The following CNTNAP2 variants were observed in gnomAD, a reference collection of about 807,000 sequenced individuals.
CNTNAP2 encodes contactin associated protein 2.
Under a neutral mutation model 155.2 loss-of-function variants are expected in CNTNAP2, and 98 were observed. The ratio of observed to expected loss-of-function variants is 0.63; its 90% confidence interval spans 0.54 to 0.75. The LOEUF (loss-of-function observed/expected upper bound fraction) is 0.75, where lower values mean the gene tolerates loss of function less well. Among genes scored for constraint, CNTNAP2 ranks in the 30% least tolerant of loss-of-function variants. The pLI is 0.00. For synonymous variants in CNTNAP2, 651 were observed against 631.2 expected, an observed-to-expected ratio of 1.03 and a Z score of -0.47; for missense variants, 1,727 against 1,688.1, an observed-to-expected ratio of 1.02 and a Z score of -0.40.
chr7:147,801,029 C>T (rs1797974235), intron 13 of CNTNAP2, among the ~76,000 whole-genome samples: 1 of 152,176 alleles, frequency 6.6e-6, no homozygotes, highest in Admixed American at 6.5e-5. Flanking sequence ...ACTAACAACA[C>T]ATATCTCAGA....
intron 1 of CNTNAP2, among the ~76,000 whole-genome samples, chr7:146,308,658 A>T (rs1461703440): frequency 6.6e-6 from 1 of 152,176 alleles, no homozygotes; most frequent in Non-Finnish European, 1.5e-5. Context: ...GTAAAAAATG[A>T]TGAGTTCATG....
rs1585354065 is a variant in CNTNAP2, at chr7:148,409,324, A to C, written c.3716-67A>C. ...GTGTTGAAGAGTTGCATGAAGAAAT[A>C]GGTATCAAATTATTTGGGATCAATA... is the stretch of plus-strand genomic sequence containing the variant. On this transcript the variant is annotated intron_variant, in intron 22 of 23. Transcript: ENST00000361727. 6.7e-6 allele frequency: 8 copies of C among 1,202,410 alleles called. No homozygotes were observed. In the East Asian group the frequency reaches 1.6e-4, roughly 24 times the overall value. The allele number at this position is 1,202,410 out of a possible 1,614,324, so 74.5% of individuals were successfully genotyped here. A position where few individuals can be genotyped will look rare whatever the true frequency, so the allele number is the denominator to read the frequency against.
At chr7:147,660,899 G>A (rs1563042733) in intron 13 of CNTNAP2, among the ~76,000 whole-genome samples, 1 of 152,152 alleles carries the variant, frequency 6.6e-6, no homozygotes, top group South Asian at 2.1e-4. Flanking sequence ...GGGAGATATG[G>A]GGATATGGGG....
At chr7:146,508,721 A>AGCAT (rs1563112563) in intron 1 of CNTNAP2, among the ~76,000 whole-genome samples, 6 of 152,160 alleles carry the variant, frequency 3.9e-5, no homozygotes, top group Admixed American at 2.0e-4. Flanking sequence ...TCTGGGTGGG[A>AGCAT]CATGGTCAAG....
intron 1 of CNTNAP2, among the ~76,000 whole-genome samples, chr7:146,247,161 C>T (rs1037884922): frequency 2.6e-5 from 4 of 152,012 alleles, no homozygotes; most frequent in Admixed American, 6.5e-5. Context: ...TGCTGCCAAA[C>T]GAGCCATGAA....
chr7:147,024,828 G>A lies in CNTNAP2; in HGVS notation c.403-19079G>A, dbSNP rs547120476. Among the ~76,000 whole-genome samples the A allele has an allele frequency of 3.3e-5, 5 of 152,204 alleles. No individual in the cohort carries two copies. In the East Asian group the frequency reaches 9.7e-4, roughly 29 times the overall value. ...TCTGCTCAGTTTCTGGAGAGGCTTCGGGAAACTGTCAATCATGGCGGAAGG... is the reference window on the plus strand; with the variant it reads ...TCTGCTCAGTTTCTGGAGAGGCTTCAGGAAACTGTCAATCATGGCGGAAGG... On this transcript the variant is annotated intron_variant, in intron 3 of 23. Transcript: ENST00000361727.
intron 13 of CNTNAP2, among the ~76,000 whole-genome samples, chr7:147,877,297 C>A (rs553227190): frequency 6.6e-6 from 1 of 152,214 alleles, no homozygotes; most frequent in African/African-American, 2.4e-5. Context: ...CCTTCTTTCT[C>A]AGGTCTCAGA....
At chr7:148,231,297 G>A (rs997747372) in intron 20 of CNTNAP2, among the ~76,000 whole-genome samples, 3 of 152,190 alleles carry the variant, frequency 2.0e-5, no homozygotes, top group Admixed American at 6.5e-5. Flanking sequence ...GGAGCAGCCA[G>A]AGACCTGCAG....
intron 3 of CNTNAP2, among the ~76,000 whole-genome samples, chr7:146,968,712 T>G (rs1053451157): frequency 3.9e-5 from 6 of 152,022 alleles, no homozygotes; most frequent in Non-Finnish European, 8.8e-5. Flanking sequence ...TTCTTCTTTA[T>G]TAGTCTTGCT....
chr7:147,532,087 A>G (rs148559096), intron 11 of CNTNAP2, among the ~76,000 whole-genome samples: 2,125 of 152,234 alleles, frequency 0.014, 23 homozygotes, highest in Non-Finnish European at 0.021. Context: ...GATTACAGGC[A>G]TGAGCCACCA....
At chr7:147,413,392 A>C (rs889943909) in intron 10 of CNTNAP2, among the ~76,000 whole-genome samples, 5 of 152,182 alleles carry the variant, frequency 3.3e-5, no homozygotes, top group African/African-American at 1.2e-4. Flanking sequence ...CCTGGAAAGG[A>C]AAATGAGAAT....
intron 1 of CNTNAP2, among the ~76,000 whole-genome samples, chr7:146,314,209 T>A (rs1476935940): frequency 6.6e-6 from 1 of 152,202 alleles, no homozygotes; most frequent in Non-Finnish European, 1.5e-5. Context: ...TTCTAACCTG[T>A]TCCATTCGTC....
chr7:147,135,500 A>C (rs1483395346), intron 8 of CNTNAP2, among the ~76,000 whole-genome samples: 1 of 151,858 alleles, frequency 6.6e-6, no homozygotes, highest in Non-Finnish European at 1.5e-5. Context: ...CATTACTTTT[A>C]ACTAGGCATA....
At chr7:147,422,506 T>C (rs1452869917) in intron 10 of CNTNAP2, among the ~76,000 whole-genome samples, 1 of 152,128 alleles carries the variant, frequency 6.6e-6, no homozygotes, top group Non-Finnish European at 1.5e-5. Flanking sequence ...TTATAATCAT[T>C]CCATAATGAA....
chr7:146,246,660 CAAG>C lies in CNTNAP2; in HGVS notation c.97+129692_97+129694del, dbSNP rs574784718. Among the ~76,000 whole-genome samples, 417 of 151,704 alleles carry C rather than the reference CAAG, an allele frequency of 2.7e-3. 8 individuals carry two copies. Among genetic ancestry groups the C allele is most frequent in the African/African-American group, 9.9e-3 (405 of 40,986 alleles). ...CAGCATCAGTCTTCAGCCGCTAAGC[CAAG>C]AAGATCTGGGAAGGAGTCAGAGAGC... On this transcript the variant is annotated intron_variant, in intron 1 of 23. Transcript: ENST00000361727.
intron 10 of CNTNAP2, among the ~76,000 whole-genome samples, chr7:147,474,066 C>T (rs1037790886): frequency 1.3e-5 from 2 of 150,864 alleles, no homozygotes; most frequent in Non-Finnish European, 3.0e-5. Flanking sequence ...GAGACAAGTA[C>T]GAAACTCCGT....
chr7:146,633,308 C>T lies in CNTNAP2; in HGVS notation c.98-140963C>T, dbSNP rs565979766. On this transcript the variant is annotated intron_variant, in intron 1 of 23. Transcript: ENST00000361727. ...TTGCCCCACCATGTATTAATTTTCA[C>T]CATTATTCCATTTAACTGGGGTTAC... Among the ~76,000 whole-genome samples the T allele has an allele frequency of 2.0e-3, 305 of 152,304 alleles. 4 individuals are homozygous for T. Among genetic ancestry groups the T allele is most frequent in the African/African-American group, 7.0e-3 (291 of 41,560 alleles).
intron 13 of CNTNAP2, among the ~76,000 whole-genome samples, chr7:147,793,152 A>G (rs897082728): frequency 2.0e-5 from 3 of 152,112 alleles, no homozygotes; most frequent in Non-Finnish European, 2.9e-5. Flanking sequence ...TTACATTATT[A>G]ACAGTATCTT....
chr7:147,299,611 G>A (rs1380913159), intron 8 of CNTNAP2, among the ~76,000 whole-genome samples: 7 of 151,990 alleles, frequency 4.6e-5, no homozygotes, highest in African/African-American at 1.7e-4. Flanking sequence ...TGTGTTTATT[G>A]AGAGAAAACA....
Sources: allele counts gnomAD v4.1 joint callset (sites outside exome capture counted in the v4.1 genomes callset), GRCh38; gene constraint gnomAD v4.1.1; transcripts MANE v1.5; gene names NCBI Gene and HGNC (gene_info 2026-07-23, HGNC 2026-07-21).